BMAL2: variants seen among roughly 807,000 people sequenced by gnomAD.
BMAL2 encodes basic helix-loop-helix ARNT-like protein 2.
chr12:27,408,377 T>C, the BMAL2 span, among the ~76,000 whole-genome samples: 1 of 152,134 alleles, frequency 6.6e-6, no homozygotes, highest in Non-Finnish European at 1.5e-5. Context: ...CAGCAGCACA[T>C]CAAAAAGCTT....
At chr12:27,347,697 A>G in the BMAL2 span, among the ~76,000 whole-genome samples, 1 of 152,146 alleles carries the variant, frequency 6.6e-6, no homozygotes, top group Admixed American at 6.5e-5. Context: ...TAAAACATAA[A>G]CATTATTCTT....
At chr12:27,338,772 G>T in the BMAL2 span, among the ~76,000 whole-genome samples, 1 of 152,162 alleles carries the variant, frequency 6.6e-6, no homozygotes, top group Admixed American at 6.5e-5. Flanking sequence ...GCAGGCAACA[G>T]AACTTTTAAG....
At chr12:27,362,471 T>G in the BMAL2 span, among the ~76,000 whole-genome samples, 4 of 152,168 alleles carry the variant, frequency 2.6e-5, no homozygotes, top group Non-Finnish European at 5.9e-5. Context: ...GTAAAAATAA[T>G]GTGTACTGTT....
At chr12:27,409,342 C>T in the BMAL2 span, among the ~76,000 whole-genome samples, 2 of 152,204 alleles carry the variant, frequency 1.3e-5, no homozygotes, top group African/African-American at 2.4e-5. Flanking sequence ...TGACTTCAAA[C>T]TGTACTACAA....
the BMAL2 span, among the ~76,000 whole-genome samples, chr12:27,341,843 T>C: frequency 7.2e-5 from 11 of 152,240 alleles, no homozygotes; most frequent in Non-Finnish European, 1.5e-5. Flanking sequence ...CGGTGCCCTG[T>C]GTCTGAACAT....
At chr12:27,365,466 C>A in the BMAL2 span, among the ~76,000 whole-genome samples, 1 of 151,846 alleles carries the variant, frequency 6.6e-6, no homozygotes, top group African/African-American at 2.4e-5. Flanking sequence ...GTTTTAATAT[C>A]AAAATTATGT....
the BMAL2 span, among the ~76,000 whole-genome samples, chr12:27,338,942 G>C: frequency 6.6e-6 from 1 of 152,142 alleles, no homozygotes; most frequent in Admixed American, 6.6e-5. Context: ...CCTGAAAAGG[G>C]AACTACTACT....
the BMAL2 span, among the ~76,000 whole-genome samples, chr12:27,410,847 C>A: frequency 6.6e-6 from 1 of 151,884 alleles, no homozygotes; most frequent in Non-Finnish European, 1.5e-5. Context: ...TTCTAAACAT[C>A]AAAAAATCCA....
At chr12:27,416,084 T>C in the BMAL2 span, 5 of 628,688 alleles carry the variant, frequency 8.0e-6, no homozygotes, top group African/African-American at 5.6e-5. Context: ...CAGTGATTTT[T>C]AAGTGGCGTT....
the BMAL2 span, among the ~76,000 whole-genome samples, chr12:27,363,372 G>A: frequency 6.6e-6 from 1 of 152,140 alleles, no homozygotes; most frequent in African/African-American, 2.4e-5. Flanking sequence ...TTATATATGT[G>A]TTCACCTTTA....
chr12:27,395,417 C>T, the BMAL2 span, among the ~76,000 whole-genome samples: 3 of 152,122 alleles, frequency 2.0e-5, no homozygotes, highest in African/African-American at 7.2e-5. Flanking sequence ...TAATAATCTG[C>T]GGACTTTTAA....
At chr12:27,389,557 T>C in the BMAL2 span, among the ~76,000 whole-genome samples, 1 of 152,196 alleles carries the variant, frequency 6.6e-6, no homozygotes. Flanking sequence ...ATTTTTCATA[T>C]GCAAATAAAA....
the BMAL2 span, among the ~76,000 whole-genome samples, chr12:27,363,546 A>G: frequency 6.6e-6 from 1 of 152,018 alleles, no homozygotes; most frequent in Non-Finnish European, 1.5e-5. Context: ...TTTCCTTAGG[A>G]TTTTCCTGGT....
chr12:27,376,531 A>G, the BMAL2 span: 1 of 625,166 alleles, frequency 1.6e-6, no homozygotes, highest in Non-Finnish European at 2.7e-6. Flanking sequence ...AAGCAATGTT[A>G]TCAGGCACCT....
chr12:27,400,033 A>G, the BMAL2 span, among the ~76,000 whole-genome samples: 2 of 152,160 alleles, frequency 1.3e-5, no homozygotes, highest in African/African-American at 4.8e-5. Flanking sequence ...TCTATAATCT[A>G]TTATAACCTT....
chr12:27,366,592 T>C, the BMAL2 span, among the ~76,000 whole-genome samples: 704 of 152,328 alleles, frequency 4.6e-3, 1 homozygote, highest in Non-Finnish European at 8.2e-3. Flanking sequence ...GATTTTTATA[T>C]TTTGTAAAAC....
the BMAL2 span, among the ~76,000 whole-genome samples, chr12:27,358,782 G>A: frequency 6.6e-6 from 1 of 152,028 alleles, no homozygotes; most frequent in East Asian, 1.9e-4. Flanking sequence ...TAAACTTCTC[G>A]AGGGTAGGTA....
At chr12:27,413,944 A>T in the BMAL2 span, among the ~76,000 whole-genome samples, 2 of 152,112 alleles carry the variant, frequency 1.3e-5, no homozygotes, top group Non-Finnish European at 2.9e-5. Flanking sequence ...TGACAGGAGG[A>T]TCACTTGAGC....
At chr12:27,359,035 C>T in the BMAL2 span, among the ~76,000 whole-genome samples, 1 of 151,672 alleles carries the variant, frequency 6.6e-6, no homozygotes, top group Non-Finnish European at 1.5e-5. Context: ...CGTTGTAACG[C>T]ATTACCACAA....
Sources: gnomAD v4.1 joint callset for allele counts (sites outside exome capture counted in the v4.1 genomes callset) on GRCh38, gnomAD v4.1.1 for gene constraint, MANE v1.5 for transcripts, NCBI Gene and HGNC (gene_info 2026-07-23, HGNC 2026-07-21) for gene names.